Variants in PHKA2 observed in about 807,000 individuals in gnomAD.
The protein encoded by PHKA2 is phosphorylase kinase regulatory subunit alpha 2.
PHKA2 carries 31 observed loss-of-function variants against 102.0 expected under a neutral mutation model. The ratio of observed to expected loss-of-function variants is 0.30; its 90% CI spans 0.23 to 0.41. The LOEUF (loss-of-function observed/expected upper bound fraction) is 0.41, where lower values mean the gene tolerates loss of function less well. Among genes scored for constraint, PHKA2 ranks in the 10% least tolerant of loss-of-function variants. The pLI is 1.00. For missense variants in PHKA2, 858 were observed against 1,023.1 expected (o/e 0.84, Z 2.20); for synonymous variants, 455 against 416.2 (o/e 1.09, Z -1.13).
chrX:18,901,483 A>G lies in PHKA2; in HGVS notation c.3027+2T>C, dbSNP rs774419375. 8.9e-7 allele frequency: 1 copy of G among 1,123,210 alleles called. No individual in the cohort carries two copies. The highest frequency in any genetic ancestry group is 1.2e-6 in the Non-Finnish European group (1 of 814,800). The allele number at this position is 1,123,210 out of a possible 1,213,427, so 92.6% of individuals were successfully genotyped here. Reference sequence around the variant, plus strand: ...CCCTCGCTGCCACTGAGGTGTTCTTACCTGTTTCATTTCACTCCTCAGTCT... The same window carrying G: ...CCCTCGCTGCCACTGAGGTGTTCTTGCCTGTTTCATTTCACTCCTCAGTCT... On this transcript the variant is annotated splice_donor_variant, in intron 27 of 32. Transcript: ENST00000379942. LOFTEE classifies it high-confidence loss of function.
intron 5 of PHKA2, among the ~76,000 whole-genome samples, chrX:18,947,841 G>T (rs1013906323): frequency 3.6e-5 from 4 of 112,261 alleles, no homozygotes; most frequent in Non-Finnish European, 5.6e-5. Context: ...TGGATTAATG[G>T]CATTTGCAGC....
intron 1 of PHKA2, among the ~76,000 whole-genome samples, chrX:18,965,615 G>C (rs1421440717): frequency 9.1e-6 from 1 of 110,284 alleles, no homozygotes; most frequent in Non-Finnish European, 1.9e-5. Context: ...TTGTGGACAG[G>C]GACACGGAAG....
At chrX:18,966,051 C>T (rs1738501779) in intron 1 of PHKA2, among the ~76,000 whole-genome samples, 1 of 105,966 alleles carries the variant, frequency 9.4e-6, no homozygotes, top group African/African-American at 3.5e-5. Context: ...TGAAAAAGGT[C>T]CCCTCAACTC....
At chrX:18,947,822 A>G (rs778213861) in intron 5 of PHKA2, among the ~76,000 whole-genome samples, 1 of 112,579 alleles carries the variant, frequency 8.9e-6, no homozygotes, top group African/African-American at 3.2e-5. Flanking sequence ...ACTCAGCCAT[A>G]AAAAGGAATG....
chrX:18,942,403 TGAA>T lies in PHKA2; in HGVS notation c.718-731_718-729del, dbSNP rs111826635. Among the ~76,000 whole-genome samples the T allele has an allele frequency of 4.5e-3, 503 of 111,979 alleles. 5 individuals are homozygous for T. The highest frequency in any genetic ancestry group is 0.015 in the African/African-American group (469 of 30,836). On this transcript the variant is annotated intron_variant, in intron 7 of 32. Transcript: ENST00000379942. ...ACATAAGCTCATTGAATCTTTCATA[TGAA>T]GAAGGACTTAGGGTACCATGTCCAA...
chrX:18,945,879 A>G (rs1347508123), intron 5 of PHKA2, among the ~76,000 whole-genome samples: 4 of 111,499 alleles, frequency 3.6e-5, no homozygotes, highest in East Asian at 2.8e-4. Context: ...TGATGCCAAC[A>G]TTTCAATCTT....
chrX:18,968,514 G>T (rs773227395), intron 1 of PHKA2, among the ~76,000 whole-genome samples: 1 of 111,120 alleles, frequency 9.0e-6, no homozygotes, highest in Non-Finnish European at 1.9e-5. Flanking sequence ...TTAAACGCCA[G>T]TTGAAATGTG....
intron 17 of PHKA2, among the ~76,000 whole-genome samples, chrX:18,922,344 T>C (rs778622754): frequency 3.6e-5 from 4 of 111,890 alleles, no homozygotes; most frequent in South Asian, 3.7e-4. Flanking sequence ...CTGAAGCAAA[T>C]TGGAGGTAAA....
At chrX:18,895,288 C>T (rs1048355938) in intron 30 of PHKA2, 97 bp from the exon 31 acceptor site, 2 of 786,052 alleles carry the variant, frequency 2.5e-6, no homozygotes, top group African/African-American at 2.0e-5. Context: ...CACCCTCTGC[C>T]CTGGAAACCC....
chrX:18,894,913 A>C (rs950439743), intron 31 of PHKA2: 3 of 443,773 alleles, frequency 6.8e-6, no homozygotes, highest in Non-Finnish European at 1.2e-5. Flanking sequence ...AGAGCTTGCT[A>C]GCCCAGAAAT....
At chrX:18,973,963 T>G (rs770529060) in intron 1 of PHKA2, among the ~76,000 whole-genome samples, 2 of 111,385 alleles carry the variant, frequency 1.8e-5, no homozygotes, top group Admixed American at 1.9e-4. Flanking sequence ...CTCCCCATCC[T>G]CACTCTCAGC....
chrX:18,921,794 G>T (rs1221323866), intron 17 of PHKA2, among the ~76,000 whole-genome samples: 2 of 111,633 alleles, frequency 1.8e-5, no homozygotes, highest in African/African-American at 6.5e-5. Context: ...TTCCTCTTCT[G>T]CCAATGGCTC....
chrX:18,908,124 T>G (rs1472188205), intron 21 of PHKA2, 68 bp from the exon 22 acceptor site: 1 of 1,064,832 alleles, frequency 9.4e-7, no homozygotes, highest in African/African-American at 1.8e-5. Context: ...AATGGATCAC[T>G]GTGCATTTTG....
In PHKA2 at chrX:18,894,408, C is replaced by T. The variant is rs749043832; in HGVS notation, c.3337-4G>A. 6.6e-6 allele frequency: 8 copies of T among 1,205,732 alleles called. No homozygotes were observed. Among genetic ancestry groups the T allele is most frequent in the Non-Finnish European group, 7.9e-6 (7 of 891,414 alleles). On this transcript the variant is annotated splice_region_variant and splice_polypyrimidine_tract_variant and intron_variant, in intron 31 of 32. Coordinates refer to ENST00000379942, the MANE Select transcript of PHKA2 (RefSeq NM_000292.3). ...ACTTGATCTCATGCGGGGTCATCTA[C>T]CAAAGGGACAGGCAGGCAACCACCA...
chrX:18,926,662 C>T, intron 13 of PHKA2, 75 bp from the exon 14 acceptor site: 4 of 976,890 alleles, frequency 4.1e-6, no homozygotes, highest in Admixed American at 4.4e-5. Context: ...TCCTTACTGC[C>T]CTCTTCTGCC....
At chrX:18,894,928 A>C (rs1032519183) in intron 31 of PHKA2, 8 of 454,544 alleles carry the variant, frequency 1.8e-5, no homozygotes, top group Admixed American at 1.4e-4. Flanking sequence ...AGAAATGCTG[A>C]GTCTCAGGTG....
intron 15 of PHKA2, 108 bp from the exon 16 acceptor site, chrX:18,924,633 G>T: frequency 1.3e-6 from 1 of 755,832 alleles, no homozygotes; most frequent in East Asian, 3.2e-5. Context: ...CAGGCAAGAG[G>T]CTCAGTACTC....
At chrX:18,894,878 T>G (rs779650166) in intron 31 of PHKA2, 7 of 429,498 alleles carry the variant, frequency 1.6e-5, no homozygotes, top group Middle Eastern at 6.4e-4. Flanking sequence ...TCACCAGGGT[T>G]CTAAGGGGTG....
chrX:18,894,064 C>G, intron 32 of PHKA2, 140 bp downstream of exon 32: 1 of 599,478 alleles, frequency 1.7e-6, no homozygotes, highest in South Asian at 2.5e-5. Context: ...GTACCATTTT[C>G]TAAGCAAGTG....
Sources: allele counts gnomAD v4.1 joint callset (sites outside exome capture counted in the v4.1 genomes callset), GRCh38; gene constraint gnomAD v4.1.1; transcripts MANE v1.5; gene names NCBI Gene and HGNC (gene_info 2026-07-23, HGNC 2026-07-21).